Variants in REDIC1 observed in about 807,000 individuals in gnomAD.
REDIC1 encodes the protein regulator of DNA class I crossover intermediates 1.
At chr12:39,629,399 C>A in the REDIC1 span, among the ~76,000 whole-genome samples, 1 of 152,186 alleles carries the variant, frequency 6.6e-6, no homozygotes, top group African/African-American at 2.4e-5. Flanking sequence ...AGATTGCATA[C>A]ACTAATTTGA....
At chr12:39,853,724 G>T in the REDIC1 span, among the ~76,000 whole-genome samples, 18 of 151,830 alleles carry the variant, frequency 1.2e-4, no homozygotes, top group Admixed American at 1.3e-4. Flanking sequence ...TTGCTGAGAA[G>T]GTGAAGTGAT....
the REDIC1 span, among the ~76,000 whole-genome samples, chr12:39,813,024 T>TTTTTTTTTTTTA: frequency 7.4e-6 from 1 of 134,902 alleles, no homozygotes; most frequent in East Asian, 2.2e-4. Flanking sequence ...TTTTTTTTTT[T>TTTTTTTTTTTTA]AGTAGAGATG....
chr12:39,809,769 G>T, the REDIC1 span, among the ~76,000 whole-genome samples: 2 of 151,682 alleles, frequency 1.3e-5, no homozygotes, highest in Non-Finnish European at 2.9e-5. Context: ...TGGTTTTTTT[G>T]TCCTTGCGAT....
At chr12:39,671,385 G>A in the REDIC1 span, among the ~76,000 whole-genome samples, 1 of 152,198 alleles carries the variant, frequency 6.6e-6, no homozygotes, top group Non-Finnish European at 1.5e-5. Context: ...TTCTGGGGAT[G>A]GGATGCCAGG....
the REDIC1 span, among the ~76,000 whole-genome samples, chr12:39,659,075 A>G: frequency 2.6e-5 from 4 of 152,006 alleles, no homozygotes; most frequent in Non-Finnish European, 4.4e-5. Context: ...TCTATTGTAG[A>G]TCTGCTGGTG....
the REDIC1 span, among the ~76,000 whole-genome samples, chr12:39,666,019 A>T: frequency 1.3e-5 from 2 of 152,162 alleles, no homozygotes; most frequent in Non-Finnish European, 2.9e-5. Flanking sequence ...ATCTGCAAAC[A>T]ATTTAACTTC....
At chr12:39,715,886 C>T in the REDIC1 span, among the ~76,000 whole-genome samples, 3 of 151,690 alleles carry the variant, frequency 2.0e-5, no homozygotes, top group Admixed American at 2.0e-4. Context: ...GATATTCTAC[C>T]CTTCACTTTT....
chr12:39,728,798 T>TTG, the REDIC1 span, among the ~76,000 whole-genome samples: 1 of 150,028 alleles, frequency 6.7e-6, no homozygotes, highest in South Asian at 2.1e-4. Flanking sequence ...TTTTTTTTTT[T>TTG]TTGGTTGGTA....
chr12:39,866,362 T>C, the REDIC1 span, among the ~76,000 whole-genome samples: 1 of 152,238 alleles, frequency 6.6e-6, no homozygotes, highest in East Asian at 1.9e-4. Context: ...CCTGACTCTG[T>C]GATCTTGGAT....
chr12:39,864,987 T>A, the REDIC1 span: 1 of 1,068,302 alleles, frequency 9.4e-7, no homozygotes, highest in Non-Finnish European at 1.3e-6. Context: ...AAACAAAAAC[T>A]CCTGAAAAAA....
chr12:39,692,068 G>A, the REDIC1 span: 1 of 1,578,774 alleles, frequency 6.3e-7, no homozygotes, highest in South Asian at 1.2e-5. Flanking sequence ...GAAGAAGGAG[G>A]AATATATTCT....
chr12:39,626,349 G>C, the REDIC1 span: 1 of 1,613,778 alleles, frequency 6.2e-7, no homozygotes, highest in Non-Finnish European at 8.5e-7. Flanking sequence ...GAATTGGGTC[G>C]GGGGGTCCCG....
chr12:39,677,788 A>C, the REDIC1 span, among the ~76,000 whole-genome samples: 1 of 152,166 alleles, frequency 6.6e-6, no homozygotes, highest in Non-Finnish European at 1.5e-5. Context: ...TCCAAAAGGA[A>C]CCCTGAAAAC....
the REDIC1 span, among the ~76,000 whole-genome samples, chr12:39,877,199 T>G: frequency 6.6e-6 from 1 of 152,156 alleles, no homozygotes; most frequent in Non-Finnish European, 1.5e-5. Context: ...GACTGGGTAA[T>G]TTATAAATAA....
chr12:39,748,130 C>T, the REDIC1 span, among the ~76,000 whole-genome samples: 3 of 149,372 alleles, frequency 2.0e-5, no homozygotes, highest in South Asian at 6.5e-4. Context: ...GACACTGGCA[C>T]ATTGGATAAA....
chr12:39,653,492 G>GTCGTCTTCTTCTTCTTCTTCT, the REDIC1 span, among the ~76,000 whole-genome samples: 20 of 54,350 alleles, frequency 3.7e-4, no homozygotes, highest in African/African-American at 9.0e-4. Context: ...CAATCTGGAT[G>GTCGTCTTCTTCTTCTTCTTCT]TCTTCTTCTT....
the REDIC1 span, among the ~76,000 whole-genome samples, chr12:39,679,855 G>C: frequency 6.6e-6 from 1 of 152,114 alleles, no homozygotes; most frequent in Non-Finnish European, 1.5e-5. Context: ...AAAGTCAACT[G>C]ATCTTCGACA....
chr12:39,889,849 C>T, the REDIC1 span, among the ~76,000 whole-genome samples: 8 of 152,054 alleles, frequency 5.3e-5, no homozygotes, highest in East Asian at 5.8e-4. Context: ...CTTTTAAAGG[C>T]CAAATCTCAT....
the REDIC1 span, chr12:39,764,869 A>G: frequency 6.2e-7 from 1 of 1,610,282 alleles, no homozygotes. Flanking sequence ...CTGAAAAATA[A>G]TGCAATATAA....
Sources: gnomAD v4.1 joint callset for allele counts (sites outside exome capture counted in the v4.1 genomes callset) on GRCh38, gnomAD v4.1.1 for gene constraint, MANE v1.5 for transcripts, NCBI Gene and HGNC (gene_info 2026-07-23, HGNC 2026-07-21) for gene names.